The following SEMA3E variants were observed in gnomAD, a reference collection of about 807,000 sequenced individuals.
The protein encoded by SEMA3E is semaphorin-3E.
Under a neutral mutation model 93.6 loss-of-function variants are expected in SEMA3E, and 49 were observed. The ratio of observed to expected loss-of-function variants is 0.52; its 90% confidence interval spans 0.42 to 0.66. SEMA3E has a LOEUF of 0.66. Ranked by LOEUF, SEMA3E falls within the 30% of genes least tolerant of loss-of-function variation. The pLI is 0.00. For synonymous variants in SEMA3E, 363 were observed against 330.7 expected, an observed-to-expected ratio of 1.10 and a Z score of -1.06; for missense variants, 906 against 964.8, an observed-to-expected ratio of 0.94 and a Z score of 0.81.
intron 16 of SEMA3E, 85 bp from the exon 17 acceptor site, chr7:83,368,123 T>G (rs1794700157): frequency 1.6e-6 from 2 of 1,248,472 alleles, no homozygotes; most frequent in Admixed American, 3.7e-5. Context: ...CTATCTTGAA[T>G]TTTTTCATTT....
chr7:83,533,268 G>A (rs1371409293), intron 1 of SEMA3E, among the ~76,000 whole-genome samples: 2 of 152,142 alleles, frequency 1.3e-5, no homozygotes, highest in Non-Finnish European at 2.9e-5. Flanking sequence ...GGGGCCAGGT[G>A]CAGTGGCTCA....
chr7:83,527,304 A>C (rs1251241843), intron 1 of SEMA3E, among the ~76,000 whole-genome samples: 1 of 152,180 alleles, frequency 6.6e-6, no homozygotes, highest in East Asian at 1.9e-4. Context: ...TGCTTAAGGC[A>C]ATTCCACTTG....
chr7:83,566,713 A>T (rs1017730011), intron 1 of SEMA3E, among the ~76,000 whole-genome samples: 4 of 152,168 alleles, frequency 2.6e-5, no homozygotes, highest in Non-Finnish European at 5.9e-5. Context: ...CATAATCTGG[A>T]AGCTAAAGAA....
intron 4 of SEMA3E, among the ~76,000 whole-genome samples, chr7:83,434,709 C>CTTTTTTTTTTTT (rs76539180): frequency 8.3e-6 from 1 of 120,172 alleles, no homozygotes; most frequent in African/African-American, 3.0e-5. Context: ...AACTGTATTT[C>CTTTTTTTTTTTT]TTTTTTTTTT....
chr7:83,544,454 G>T lies in SEMA3E; in HGVS notation c.116-54180C>A, dbSNP rs565549551. ...AGAAGCCTAGAGAGATCCAACTGGGGAGGCATGAAAGCTTCACTGATGAGA... is the reference window on the plus strand; with the variant it reads ...AGAAGCCTAGAGAGATCCAACTGGGTAGGCATGAAAGCTTCACTGATGAGA... On this transcript the variant is annotated intron_variant, in intron 1 of 16. Coordinates refer to ENST00000643230, the MANE Select transcript of SEMA3E (RefSeq NM_012431.3). Among the ~76,000 whole-genome samples, 4 of 152,168 alleles carry T rather than the reference G, an allele frequency of 2.6e-5. No individual in the cohort carries two copies. The South Asian group carries it at 8.3e-4, about 32-fold the overall frequency.
At chr7:83,549,781 G>A (rs112601625) in intron 1 of SEMA3E, among the ~76,000 whole-genome samples, 3 of 152,160 alleles carry the variant, frequency 2.0e-5, no homozygotes, top group Admixed American at 6.6e-5. Flanking sequence ...AGCAACATGA[G>A]TGCTTTTTCA....
chr7:83,551,142 C>A (rs959486058), intron 1 of SEMA3E, among the ~76,000 whole-genome samples: 5 of 152,026 alleles, frequency 3.3e-5, no homozygotes, highest in African/African-American at 7.2e-5. Context: ...CATCCATATA[C>A]CCTATGACCT....
At chr7:83,373,693 A>C (rs571047308) in intron 16 of SEMA3E, among the ~76,000 whole-genome samples, 1 of 152,336 alleles carries the variant, frequency 6.6e-6, no homozygotes, top group Non-Finnish European at 1.5e-5. Flanking sequence ...AAAACATGTT[A>C]TATTCAAAAA....
Position 83,367,905 on chromosome 7 carries a change from A to C in SEMA3E, c.2009T>G (p.Leu670Trp). 6.2e-7 allele frequency: 1 copy of C among 1,610,882 alleles called. No homozygotes were observed. The highest frequency in any genetic ancestry group is 8.5e-7 in the Non-Finnish European group (1 of 1,177,986). The change falls in exon 17 of 17, where the codon TTG (leucine) becomes TGG (tryptophan). Residue 670 changes from leucine to tryptophan, a missense_variant. Transcript: ENST00000643230. ...SFVHTVRKIT[L>W]EVVEEEKVED... ...GACTTTCTCCTCTTCCACTACCTCC[A>C]AGGTGATTTTACGGACCGTATGGAC...
At chr7:83,371,383 A>C (rs1794746970) in intron 16 of SEMA3E, 1 of 152,204 alleles carries the variant, frequency 6.6e-6, no homozygotes, top group Non-Finnish European at 1.5e-5. Context: ...ACAGGCAGAA[A>C]GTGTTATACA....
chr7:83,465,784 G>A (rs1041372446), intron 4 of SEMA3E, among the ~76,000 whole-genome samples: 1 of 152,160 alleles, frequency 6.6e-6, no homozygotes, highest in Non-Finnish European at 1.5e-5. Context: ...GTGATATAGA[G>A]TGCTTCAAAA....
At chr7:83,459,271 G>A (rs1482330535) in intron 4 of SEMA3E, among the ~76,000 whole-genome samples, 2 of 152,014 alleles carry the variant, frequency 1.3e-5, no homozygotes, top group Non-Finnish European at 2.9e-5. Flanking sequence ...AGAAGACAAA[G>A]CAGTTTGAGA....
intron 1 of SEMA3E, among the ~76,000 whole-genome samples, chr7:83,576,648 C>T (rs543526064): frequency 5.9e-5 from 9 of 152,058 alleles, no homozygotes; most frequent in Middle Eastern, 3.4e-3. Context: ...TTTTTTGAGA[C>T]GGAGTCTCAC....
rs370540865 is a variant in SEMA3E at position 83,400,221 on chromosome 7, G to C, written c.1173C>G (p.Tyr391Ter). 6.2e-7 allele frequency: 1 copy of C among 1,613,824 alleles called. No homozygotes were observed. The highest frequency in any genetic ancestry group is 8.5e-7 in the Non-Finnish European group (1 of 1,179,896). ...SCASKVNGGR[Y>*]GTTKDYPDDA... ...CATCAGGATAGTCCTTGGTGGTTCC[G>C]TATCTCCCTCCATTTACTTTGCTGG... Residue 391 changes from tyrosine to a stop codon, truncating the protein, a stop_gained, in exon 11 of 17, where the codon TAC (tyrosine) becomes TAG (stop). Transcript: ENST00000643230. LOFTEE classifies it high-confidence loss of function.
At chr7:83,626,825 T>G (rs1169748521) in intron 1 of SEMA3E, among the ~76,000 whole-genome samples, 1 of 152,174 alleles carries the variant, frequency 6.6e-6, no homozygotes, top group African/African-American at 2.4e-5. Context: ...TCTTTCCCAC[T>G]TTCTCCTGTA....
At chr7:83,375,982 T>C (rs191085781) in intron 16 of SEMA3E, among the ~76,000 whole-genome samples, 2 of 152,234 alleles carry the variant, frequency 1.3e-5, no homozygotes, top group African/African-American at 4.8e-5. Flanking sequence ...AATGATATTA[T>C]ACAAATATGT....
In SEMA3E at chr7:83,571,485, T is replaced by A. The variant is rs138150742; in HGVS notation, c.115+76943A>T. ...TGGTAACAAAACCATATGATCATCTTCACAGGTGTGAAAAAAGTCTTTGAT... is the reference window on the plus strand; with the variant it reads ...TGGTAACAAAACCATATGATCATCTACACAGGTGTGAAAAAAGTCTTTGAT... On this transcript the variant is annotated intron_variant, in intron 1 of 16. Coordinates refer to ENST00000643230, the MANE Select transcript of SEMA3E (RefSeq NM_012431.3). 4.6e-5 allele frequency among the ~76,000 whole-genome samples: 7 copies of A among 152,302 alleles called. No homozygotes were observed. The East Asian group carries it at 1.4e-3, about 29-fold the overall frequency.
At chr7:83,424,268 T>A (rs935530703) in intron 4 of SEMA3E, among the ~76,000 whole-genome samples, 1 of 152,182 alleles carries the variant, frequency 6.6e-6, no homozygotes, top group Non-Finnish European at 1.5e-5. Flanking sequence ...AACAAAATAA[T>A]GAAGAGGTGC....
chr7:83,474,663 T>C (rs1261253817), intron 2 of SEMA3E, among the ~76,000 whole-genome samples: 1 of 152,176 alleles, frequency 6.6e-6, no homozygotes, highest in East Asian at 1.9e-4. Flanking sequence ...AATGAATCCA[T>C]CAGTGGGTCA....
Sources: allele counts gnomAD v4.1 joint callset (sites outside exome capture counted in the v4.1 genomes callset), GRCh38; gene constraint gnomAD v4.1.1; transcripts MANE v1.5; gene names NCBI Gene and HGNC (gene_info 2026-07-23, HGNC 2026-07-21).